Variants in GRM7 observed in about 807,000 individuals in gnomAD.
GRM7 encodes metabotropic glutamate receptor 7.
Under a neutral mutation model 84.5 loss-of-function variants are expected in GRM7, and 35 were observed. That is an observed-to-expected ratio of 0.41 (90% CI 0.32 to 0.55). GRM7 has a LOEUF of 0.55. Among genes scored for constraint, GRM7 ranks in the 20% least tolerant of loss-of-function variants. The probability of loss-of-function intolerance (pLI) is 0.19; values close to 1 mark genes in which losing one functional copy is unlikely to be tolerated. For missense variants in GRM7, 1,003 were observed against 1,194.6 expected (o/e 0.84, Z 2.36); for synonymous variants, 487 against 455.1 (o/e 1.07, Z -0.89).
Position 7,383,477 on chromosome 3 carries a change from A to G in GRM7, c.1034-31546A>G, listed in dbSNP as rs76740181. Reference sequence around the variant, plus strand: ...TATTAGGAAATAATACCTTGTATACATAGCCATGCCAAAAAATGACACAAA... The same window carrying G: ...TATTAGGAAATAATACCTTGTATACGTAGCCATGCCAAAAAATGACACAAA... On this transcript the variant is annotated intron_variant, in intron 4 of 9. Transcript: ENST00000357716. Among the ~76,000 whole-genome samples, 540 of 152,346 alleles carry G rather than the reference A, an allele frequency of 3.5e-3. 5 individuals carry two copies. Among genetic ancestry groups the G allele is most frequent in the South Asian group, 0.024 (117 of 4,832 alleles).
rs528266974 is a variant in GRM7, at chr3:6,976,619, A to G, written c.519+114712A>G. Among the ~76,000 whole-genome samples the G allele has an allele frequency of 7.2e-5, 11 of 152,230 alleles. No homozygotes were observed. In the South Asian group the frequency reaches 2.3e-3, roughly 32 times the overall value. The stretch of plus-strand genomic sequence containing the variant: ...CATTTGTGGCTTTAGTCCCTGTATT[A>G]TGCAGTTGGCCATAGGAGCCTCCAT... On this transcript the variant is annotated intron_variant, in intron 1 of 9. Transcript: ENST00000357716.
intron 1 of GRM7, among the ~76,000 whole-genome samples, chr3:6,901,679 CTTTGT>C (rs1696394019): frequency 1.0e-5 from 1 of 97,086 alleles, no homozygotes; most frequent in African/African-American, 3.7e-5. Context: ...TCATTTTTTT[CTTTGT>C]TTTGTTTTGA....
Position 7,275,746 on chromosome 3 carries a change from C to T in GRM7, c.737-22938C>T, listed in dbSNP as rs562683368. ...GTGGTATTTCCAAATGGTTCCTTTCCCCCACTCCCAGATGGAGACATGAGG... is the reference window on the plus strand; with the variant it reads ...GTGGTATTTCCAAATGGTTCCTTTCTCCCACTCCCAGATGGAGACATGAGG... On this transcript the variant is annotated intron_variant, in intron 2 of 9. Transcript: ENST00000357716. Among the ~76,000 whole-genome samples, 18 of 152,182 alleles carry T rather than the reference C, an allele frequency of 1.2e-4. No homozygotes were observed. In the South Asian group the frequency reaches 3.1e-3, roughly 26 times the overall value.
At chr3:7,412,985 G>GACAC (rs59610581) in intron 4 of GRM7, among the ~76,000 whole-genome samples, 54 of 148,808 alleles carry the variant, frequency 3.6e-4, no homozygotes, top group African/African-American at 4.9e-4. Flanking sequence ...AATTCACTAT[G>GACAC]ACACACACAC....
At chr3:7,227,141 T>C (rs1315211047) in intron 2 of GRM7, among the ~76,000 whole-genome samples, 1 of 152,224 alleles carries the variant, frequency 6.6e-6, no homozygotes, top group Non-Finnish European at 1.5e-5. Flanking sequence ...TGTTAAACTG[T>C]AGAAGTCTTA....
chr3:6,985,254 A>G (rs1020989441), intron 1 of GRM7, among the ~76,000 whole-genome samples: 2 of 152,150 alleles, frequency 1.3e-5, no homozygotes, highest in South Asian at 2.1e-4. Context: ...AAAATGTACA[A>G]TTAAGTTATT....
rs117806092 is a variant in GRM7, at chr3:6,965,484, G to T, written c.519+103577G>T. Among the ~76,000 whole-genome samples, 15 of 152,016 alleles carry T rather than the reference G, an allele frequency of 9.9e-5. No homozygotes were observed. The East Asian group carries it at 2.9e-3, about 30-fold the overall frequency. On this transcript the variant is annotated intron_variant, in intron 1 of 9. Transcript: ENST00000357716. ...TGGAACTATAGGCATGTGCCACCAT[G>T]CCCGGCTAATTTTTTTATGTTTTTA...
chr3:7,736,956 G>T (rs3804806), intron 9 of GRM7, among the ~76,000 whole-genome samples: 25,516 of 151,814 alleles, frequency 0.17, 3,993 homozygotes, highest in African/African-American at 0.42. Flanking sequence ...ATATGGGGTG[G>T]CAACAGGAAA....
intron 1 of GRM7, among the ~76,000 whole-genome samples, chr3:7,029,301 C>CAAAAAA (rs57622634): frequency 5.6e-4 from 31 of 55,204 alleles, no homozygotes; most frequent in African/African-American, 1.3e-3. Flanking sequence ...GACTCTGCCT[C>CAAAAAA]AAAAAAAAAA....
chr3:7,191,336 C>T (rs748236586), intron 2 of GRM7, among the ~76,000 whole-genome samples: 5 of 151,824 alleles, frequency 3.3e-5, no homozygotes, highest in Non-Finnish European at 7.4e-5. Context: ...CCAAAACTCC[C>T]CTTTATATCC....
intron 7 of GRM7, among the ~76,000 whole-genome samples, chr3:7,577,325 T>C (rs1160305211): frequency 1.3e-5 from 2 of 152,160 alleles, no homozygotes; most frequent in Non-Finnish European, 2.9e-5. Flanking sequence ...GCAAACTCTA[T>C]TGTAACAAGT....
intron 8 of GRM7, among the ~76,000 whole-genome samples, chr3:7,596,653 C>G (rs1696059172): frequency 6.6e-6 from 1 of 152,102 alleles, no homozygotes; most frequent in African/African-American, 2.4e-5. Context: ...CTTAGAAGTA[C>G]TAGAGCATCC....
intron 2 of GRM7, among the ~76,000 whole-genome samples, chr3:7,219,635 T>C (rs938667541): frequency 6.6e-6 from 1 of 152,198 alleles, no homozygotes; most frequent in African/African-American, 2.4e-5. Flanking sequence ...GGTAGTTACA[T>C]ATAGAAATAT....
At chr3:6,946,257 C>T (rs1339017113) in intron 1 of GRM7, among the ~76,000 whole-genome samples, 1 of 152,128 alleles carries the variant, frequency 6.6e-6, no homozygotes, top group Non-Finnish European at 1.5e-5. Context: ...GGAAGGGATC[C>T]AGTTTCAGCT....
intron 5 of GRM7, among the ~76,000 whole-genome samples, chr3:7,419,560 G>A (rs1411394919): frequency 6.6e-6 from 1 of 152,032 alleles, no homozygotes; most frequent in Non-Finnish European, 1.5e-5. Flanking sequence ...GCTCCCAAAT[G>A]CATTTTTTAA....
chr3:7,367,436 T>C (rs1209544184), intron 4 of GRM7, among the ~76,000 whole-genome samples: 2 of 152,008 alleles, frequency 1.3e-5, no homozygotes, highest in Non-Finnish European at 2.9e-5. Context: ...ATATTTCTTA[T>C]ATTCCAACTC....
chr3:7,478,700 G>C (rs1699018992), intron 7 of GRM7, among the ~76,000 whole-genome samples: 2 of 149,316 alleles, frequency 1.3e-5, no homozygotes, highest in African/African-American at 5.2e-5. Context: ...AGAACAGTAG[G>C]GAACACTGGA....
intron 8 of GRM7, among the ~76,000 whole-genome samples, chr3:7,660,700 G>A (rs1244172797): frequency 6.6e-6 from 1 of 152,008 alleles, no homozygotes; most frequent in Non-Finnish European, 1.5e-5. Context: ...CAACTCTGAA[G>A]AAAATGGAAG....
chr3:7,428,327 C>G (rs902708025), intron 5 of GRM7, among the ~76,000 whole-genome samples: 2 of 152,108 alleles, frequency 1.3e-5, no homozygotes, highest in African/African-American at 4.8e-5. Flanking sequence ...TTGCAGAGGT[C>G]GTAAATCTGG....
Sources: allele counts gnomAD v4.1 joint callset (sites outside exome capture counted in the v4.1 genomes callset), GRCh38; gene constraint gnomAD v4.1.1; transcripts MANE v1.5; gene names NCBI Gene and HGNC (gene_info 2026-07-23, HGNC 2026-07-21).